Variants in BACH2 observed in about 807,000 individuals in gnomAD.
The protein encoded by BACH2 is transcription regulator protein BACH2.
Under a neutral mutation model 61.8 loss-of-function variants are expected in BACH2, and 5 were observed. The observed-to-expected ratio is 0.08, with a 90% confidence interval of 0.04 to 0.17. The LOEUF (loss-of-function observed/expected upper bound fraction) is 0.17, where lower values mean the gene tolerates loss of function less well. Ranked by LOEUF, BACH2 falls within the 10% of genes least tolerant of loss-of-function variation. The pLI, the probability that BACH2 is intolerant of heterozygous loss-of-function variation, is 1.00. For synonymous variants in BACH2, 446 were observed against 440.1 expected (o/e 1.01, Z -0.17); for missense variants, 824 against 1,091.1 (o/e 0.76, Z 3.45).
intron 4 of BACH2, among the ~76,000 whole-genome samples, chr6:90,149,098 T>C (rs1430751326): frequency 6.6e-6 from 1 of 151,740 alleles, no homozygotes; most frequent in African/African-American, 2.4e-5. Context: ...GTAGGTGGAG[T>C]GGAAGTGATG....
chr6:90,164,474 T>C (rs1221134248), intron 4 of BACH2, among the ~76,000 whole-genome samples: 2 of 151,662 alleles, frequency 1.3e-5, no homozygotes, highest in African/African-American at 2.4e-5. Context: ...AGCTGAATTC[T>C]ACCAGAGGTA....
At chr6:90,094,087 GA>G (rs1295222243) in intron 4 of BACH2, among the ~76,000 whole-genome samples, 2 of 152,138 alleles carry the variant, frequency 1.3e-5, no homozygotes. Flanking sequence ...TACTTAAAAA[GA>G]AAAGTCCGAG....
chr6:90,182,978 C>A (rs1274126653), intron 4 of BACH2, among the ~76,000 whole-genome samples: 1 of 152,138 alleles, frequency 6.6e-6, no homozygotes, highest in Non-Finnish European at 1.5e-5. Context: ...ATATTTTGAA[C>A]TTAAAACTGC....
intron 1 of BACH2, among the ~76,000 whole-genome samples, chr6:90,274,778 C>G (rs558754951): frequency 2.0e-5 from 3 of 152,342 alleles, no homozygotes; most frequent in Admixed American, 2.0e-4. Flanking sequence ...AGACCTGATG[C>G]TAAGGGGAGA....
intron 4 of BACH2, among the ~76,000 whole-genome samples, chr6:90,174,980 G>A (rs996221103): frequency 6.6e-6 from 1 of 151,794 alleles, no homozygotes; most frequent in Non-Finnish European, 1.5e-5. Context: ...GTTGGGGAGA[G>A]GAGAAAACAA....
In BACH2 at chr6:89,997,103, C is replaced by T. The variant is rs117308688; in HGVS notation, c.243+11499G>A. 6.8e-3 allele frequency among the ~76,000 whole-genome samples: 1,035 copies of T among 152,140 alleles called. 27 individuals are homozygous for T. The East Asian group carries it at 0.082, about 12-fold the overall frequency. ...CCATGTCTAGCATCTTATACTGTTA[C>T]AAAATCCTCCTTTAATATAGCTGAA... On this transcript the variant is annotated intron_variant, in intron 6 of 8. Transcript: ENST00000257749.
chr6:90,001,821 T>G (rs988942873), intron 6 of BACH2, among the ~76,000 whole-genome samples: 9 of 152,184 alleles, frequency 5.9e-5, no homozygotes, highest in African/African-American at 2.2e-4. Flanking sequence ...AAACTGGGTG[T>G]GGGTGAGCAA....
intron 4 of BACH2, among the ~76,000 whole-genome samples, chr6:90,102,791 AAATAATAATAATAATAATAATAAT>A (rs372366852): frequency 1.8e-5 from 2 of 113,682 alleles, no homozygotes; most frequent in Non-Finnish European, 3.6e-5. Flanking sequence ...ACTCCATTTC[AAATAATAATAATAATAATAATAAT>A]AATAATAATA....
At chr6:90,188,760 GAA>G (rs57618295) in intron 4 of BACH2, among the ~76,000 whole-genome samples, 1,356 of 78,744 alleles carry the variant, frequency 0.017, 7 homozygotes, top group Middle Eastern at 0.045. Flanking sequence ...GCCCCAAAAT[GAA>G]AAAAAAAAAA....
At chr6:90,095,763 C>A (rs1211143883) in intron 4 of BACH2, among the ~76,000 whole-genome samples, 1 of 131,402 alleles carries the variant, frequency 7.6e-6, no homozygotes, top group African/African-American at 3.1e-5. Flanking sequence ...CCATCACCAT[C>A]ATCATCATCA....
At chr6:89,964,809 T>G (rs971840169) in intron 6 of BACH2, among the ~76,000 whole-genome samples, 5 of 152,180 alleles carry the variant, frequency 3.3e-5, no homozygotes, top group Non-Finnish European at 5.9e-5. Flanking sequence ...ATTTTGCTCC[T>G]CTCTCTTCTA....
chr6:89,984,242 A>G (rs906389267), intron 6 of BACH2, among the ~76,000 whole-genome samples: 1 of 152,166 alleles, frequency 6.6e-6, no homozygotes, highest in East Asian at 1.9e-4. Flanking sequence ...TGTCCACAAA[A>G]GTCAAACAGA....
At position 90,056,928 on chromosome 6, in the gene BACH2, G is replaced by A. The variant is rs540425054; in HGVS notation, c.-13+32033C>T. 3.1e-3 allele frequency among the ~76,000 whole-genome samples: 475 copies of A among 152,184 alleles called. 4 individuals carry two copies. The highest frequency in any genetic ancestry group is 0.01 in the African/African-American group (424 of 41,520). On this transcript the variant is annotated intron_variant, in intron 5 of 8. Transcript: ENST00000257749. ...AAAGATGTTCTTTGAAATCAACGAGGACAAAGACACAACATACCAGAATCG... is the reference window on the plus strand; with the variant it reads ...AAAGATGTTCTTTGAAATCAACGAGAACAAAGACACAACATACCAGAATCG...
rs1774085471 is a variant in BACH2, at chr6:89,951,211, C to A, written c.895G>T (p.Asp299Tyr). ...ITLCLSGDEPDAKDRAGDVEM... is the reference protein window; with the variant it reads ...ITLCLSGDEPYAKDRAGDVEM... Reference sequence around the variant, plus strand: ...ACATCCCCCGCTCTGTCCTTGGCGTCAGGCTCATCTCCAGACAGGCAGAGC... The same window carrying A: ...ACATCCCCCGCTCTGTCCTTGGCGTAAGGCTCATCTCCAGACAGGCAGAGC... Residue 299 changes from aspartate to tyrosine, a missense_variant, in exon 7 of 9, where the codon GAC becomes TAC. By Grantham distance (160) the Asp-to-Tyr change is radical. Around this residue, in one of 8 missense-constraint regions of BACH2, gnomAD observed 226 missense variants for 228.5 expected, o/e 0.99. Transcript: ENST00000257749. This position sits in a 1 kb window ranked among gnomAD's most constrained non-coding sequence, Gnocchi z 6.4. 2 of 1,614,082 alleles carry A rather than the reference C, an allele frequency of 1.2e-6. No homozygotes were observed. Among genetic ancestry groups the A allele is most frequent in the Non-Finnish European group, 8.5e-7 (1 of 1,180,038 alleles).
chr6:90,073,827 T>C (rs1424247354), intron 5 of BACH2, among the ~76,000 whole-genome samples: 1 of 152,194 alleles, frequency 6.6e-6, no homozygotes, highest in East Asian at 1.9e-4. Context: ...GCTCCACCCA[T>C]GTCAGAAGTA....
chr6:89,955,007 C>T (rs375903178), intron 6 of BACH2, among the ~76,000 whole-genome samples: 15 of 152,232 alleles, frequency 9.9e-5, no homozygotes, highest in African/African-American at 3.6e-4. Flanking sequence ...TTTTGCTCAG[C>T]TTCTGTGTGT....
At chr6:89,986,495 T>C (rs1348971766) in intron 6 of BACH2, among the ~76,000 whole-genome samples, 2 of 152,202 alleles carry the variant, frequency 1.3e-5, no homozygotes, top group Non-Finnish European at 1.5e-5. Flanking sequence ...CTCCCAAGAA[T>C]TGTAGTGAAT....
chr6:90,174,653 A>G (rs1489566948), intron 4 of BACH2, among the ~76,000 whole-genome samples: 1 of 152,052 alleles, frequency 6.6e-6, no homozygotes, highest in Admixed American at 6.5e-5. Context: ...CATATACATG[A>G]TAAAATGTAG....
chr6:89,948,265 G>A (rs1437700044), intron 7 of BACH2, among the ~76,000 whole-genome samples: 1 of 152,032 alleles, frequency 6.6e-6, no homozygotes, highest in Non-Finnish European at 1.5e-5. Context: ...GGAGTGCAGT[G>A]CCACCATCTC....
Sources: gnomAD v4.1 joint callset for allele counts (sites outside exome capture counted in the v4.1 genomes callset) on GRCh38, gnomAD v4.1.1 for gene constraint, gnomAD v4.1.1 regional missense constraint, Gnocchi (gnomAD v3.1) non-coding constraint, MANE v1.5 for transcripts, NCBI Gene and HGNC (gene_info 2026-07-23, HGNC 2026-07-21) for gene names.